PLBD1: variants seen among roughly 807,000 people sequenced by gnomAD.
PLBD1 encodes lysosomal leucine aminopeptidase.
Under a neutral mutation model 63.0 loss-of-function variants are expected in PLBD1, and 60 were observed. The ratio of observed to expected loss-of-function variants is 0.95; its 90% CI spans 0.77 to 1.18. The LOEUF is 1.18. Ranked by LOEUF, PLBD1 falls within the 50% of genes most tolerant of loss-of-function variation. PLBD1 has a pLI of 0.00. For synonymous variants in PLBD1, 262 were observed against 248.0 expected (o/e 1.06, Z -0.53); for missense variants, 598 against 677.9 (o/e 0.88, Z 1.31).
chr12:14,524,072 C>G (rs748224531), intron 6 of PLBD1, among the ~76,000 whole-genome samples: 1 of 152,012 alleles, frequency 6.6e-6, no homozygotes, highest in Admixed American at 6.6e-5. Context: ...GACAAATACT[C>G]CACAATCTCA....
intron 6 of PLBD1, among the ~76,000 whole-genome samples, chr12:14,522,894 T>A (rs1945387888): frequency 6.6e-6 from 1 of 152,006 alleles, no homozygotes; most frequent in African/African-American, 2.4e-5. Flanking sequence ...TATGACAAAT[T>A]CACAGCTAGC....
At chr12:14,558,546 A>AT (rs954291701) in intron 1 of PLBD1, among the ~76,000 whole-genome samples, 1 of 152,198 alleles carries the variant, frequency 6.6e-6, no homozygotes, top group Admixed American at 6.5e-5. Context: ...GGCTGCTGGA[A>AT]TAAAAAGCAG....
At chr12:14,509,971 T>A (rs1945284171) in intron 8 of PLBD1, among the ~76,000 whole-genome samples, 1 of 152,078 alleles carries the variant, frequency 6.6e-6, no homozygotes, top group Admixed American at 6.5e-5. Context: ...GCCAGATGAG[T>A]CTCAGAATTT....
chr12:14,555,326 TCAGGGGTTCGC>T (rs1166965713), intron 1 of PLBD1, among the ~76,000 whole-genome samples: 1 of 152,070 alleles, frequency 6.6e-6, no homozygotes, highest in East Asian at 1.9e-4. Context: ...TCACCTGAGG[TCAGGGGTTCGC>T]GACCAGCCTG....
intron 6 of PLBD1, among the ~76,000 whole-genome samples, chr12:14,521,874 A>G (rs1945379616): frequency 6.6e-6 from 1 of 152,216 alleles, no homozygotes; most frequent in Admixed American, 6.5e-5. Context: ...ATGAGATTCA[A>G]GATAATATAG....
chr12:14,508,643 A>G (rs1254328545), intron 8 of PLBD1, among the ~76,000 whole-genome samples: 1 of 151,904 alleles, frequency 6.6e-6, no homozygotes, highest in African/African-American at 2.4e-5. Flanking sequence ...TGGGGTGCAC[A>G]CCTGTGGTCC....
intron 1 of PLBD1, among the ~76,000 whole-genome samples, chr12:14,555,401 G>T (rs916305836): frequency 6.6e-6 from 1 of 152,118 alleles, no homozygotes; most frequent in African/African-American, 2.4e-5. Context: ...GCCAGGCATG[G>T]TGGTGTGCGC....
chr12:14,534,518 T>G (rs1945495165), intron 6 of PLBD1, among the ~76,000 whole-genome samples: 1 of 151,948 alleles, frequency 6.6e-6, no homozygotes, highest in Non-Finnish European at 1.5e-5. Flanking sequence ...TTTGCTACCA[T>G]TGTTTCCACT....
At chr12:14,543,393 T>C (rs1945590658) in intron 2 of PLBD1, among the ~76,000 whole-genome samples, 1 of 152,188 alleles carries the variant, frequency 6.6e-6, no homozygotes, top group African/African-American at 2.4e-5. Flanking sequence ...AGATTTAGTT[T>C]TACCTTTTTA....
intron 1 of PLBD1, among the ~76,000 whole-genome samples, chr12:14,563,058 AAT>A (rs1416835773): frequency 6.6e-6 from 1 of 152,206 alleles, no homozygotes. Flanking sequence ...GATCCTTTTA[AAT>A]ATTCTTCTAA....
chr12:14,511,453 A>G (rs1945297763), intron 7 of PLBD1, 53 bp from the exon 8 acceptor site: 2 of 1,613,654 alleles, frequency 1.2e-6, no homozygotes, highest in African/African-American at 1.3e-5. Flanking sequence ...TTACTGGTTA[A>G]CAAGCCTAAA....
intron 6 of PLBD1, among the ~76,000 whole-genome samples, chr12:14,521,437 G>A (rs1219414206): frequency 6.6e-6 from 1 of 151,854 alleles, no homozygotes; most frequent in Non-Finnish European, 1.5e-5. Context: ...AAACAAACTG[G>A]CACCCTTGCC....
intron 8 of PLBD1, among the ~76,000 whole-genome samples, chr12:14,508,293 C>G (rs917318520): frequency 5.3e-5 from 8 of 152,236 alleles, no homozygotes; most frequent in African/African-American, 1.9e-4. Context: ...TCTTCATTAA[C>G]TATTCAGCAT....
Position 14,511,682 on chromosome 12 carries a change from T to C in PLBD1, c.874A>G (p.Ile292Val), listed in dbSNP as rs1184014731. The change falls in exon 7 of 11, where the codon ATT (isoleucine) becomes GTT (valine). Residue 292 changes from isoleucine to valine, a missense_variant. Coordinates refer to ENST00000240617, the MANE Select transcript of PLBD1 (RefSeq NM_024829.6). ...GFLESLDDFYILSSGLILLQT... is the reference protein window; with the variant it reads ...GFLESLDDFYVLSSGLILLQT... Reference sequence around the variant, plus strand: ...AGCAATATCAATCCACTGCTAAGAATGTAAAAATCATCCAGAGACTCCAAA... The same window carrying C: ...AGCAATATCAATCCACTGCTAAGAACGTAAAAATCATCCAGAGACTCCAAA... 1.2e-6 allele frequency: 2 copies of C among 1,614,152 alleles called. No homozygotes were observed. The highest frequency in any genetic ancestry group is 2.2e-5 in the South Asian group (2 of 91,084).
chr12:14,562,982 T>C (rs148849930), intron 1 of PLBD1, among the ~76,000 whole-genome samples: 5 of 152,306 alleles, frequency 3.3e-5, no homozygotes, highest in Non-Finnish European at 7.4e-5. Context: ...ATATATATTA[T>C]AAAAATAAGC....
intron 2 of PLBD1, among the ~76,000 whole-genome samples, chr12:14,552,421 C>A (rs7954515): frequency 0.91 from 138,697 of 152,218 alleles, 64,117 homozygotes; most frequent in East Asian, 0.99. Flanking sequence ...ACTCATTATA[C>A]TTTCAATTTA....
intron 8 of PLBD1, among the ~76,000 whole-genome samples, chr12:14,511,026 TAG>T (rs1370604271): frequency 6.6e-6 from 1 of 152,212 alleles, no homozygotes; most frequent in Non-Finnish European, 1.5e-5. Context: ...TGAGAAATCA[TAG>T]AGTCATGAAT....
chr12:14,518,038 G>A (rs544662876), intron 6 of PLBD1, among the ~76,000 whole-genome samples: 16 of 152,088 alleles, frequency 1.1e-4, no homozygotes, highest in East Asian at 3.9e-4. Flanking sequence ...AAAATTAGCC[G>A]GGCGTGGTCA....
chr12:14,553,396 A>T lies in PLBD1; in HGVS notation c.132T>A (p.Thr44=). Residue 44 remains threonine, a synonymous_variant, in exon 2 of 11, where the codon ACT becomes ACA. Coordinates refer to ENST00000240617, the MANE Select transcript of PLBD1 (RefSeq NM_024829.6). ...PPKPAGVYYA[T]AYWMPAEKTV... ...TCTTTTCAGCAGGCATCCAGTATGCAGTTGCATAGTAGACTCCTAGAAGAA... is the reference window on the plus strand; with the variant it reads ...TCTTTTCAGCAGGCATCCAGTATGCTGTTGCATAGTAGACTCCTAGAAGAA... 6.2e-7 allele frequency: 1 copy of T among 1,614,042 alleles called. No homozygotes were observed. The highest frequency in any genetic ancestry group is 8.5e-7 in the Non-Finnish European group (1 of 1,179,888).
Sources: allele counts gnomAD v4.1 joint callset (sites outside exome capture counted in the v4.1 genomes callset), GRCh38; gene constraint gnomAD v4.1.1; transcripts MANE v1.5; gene names NCBI Gene and HGNC (gene_info 2026-07-23, HGNC 2026-07-21).